SMARCA1: variants seen among roughly 807,000 people sequenced by gnomAD.
SMARCA1 encodes the protein SWI/SNF-related matrix-associated actin-dependent regulator of chromatin subfamily A member 1.
Under a neutral mutation model 93.6 loss-of-function variants are expected in SMARCA1, and 17 were observed. The observed-to-expected ratio is 0.18, with a 90% CI of 0.12 to 0.27. The LOEUF is 0.27. Among genes scored for constraint, SMARCA1 ranks in the 10% least tolerant of loss-of-function variants. SMARCA1 has a pLI of 1.00. For missense variants in SMARCA1, 630 were observed against 819.0 expected, an observed-to-expected ratio of 0.77 and a Z score of 2.82; for synonymous variants, 271 against 271.4, an observed-to-expected ratio of 1.00 and a Z score of 0.01.
Position 129,487,077 on chromosome X carries a change from T to C in SMARCA1, c.2158A>G (p.Met720Val). The C allele has an allele frequency of 8.6e-7, 1 of 1,158,062 alleles. No homozygotes were observed. The highest frequency in any genetic ancestry group is 1.2e-6 in the Non-Finnish European group (1 of 850,384). ...MGESSLRNFR[M>V]DIEQSLYKFE... Reference sequence around the variant, plus strand: ...TTGTATAAACTTTGTTCAATGTCCATTCTAAAATTTCTTAGAGAAGACTCT... The same window carrying C: ...TTGTATAAACTTTGTTCAATGTCCACTCTAAAATTTCTTAGAGAAGACTCT... Residue 720 changes from methionine (M) to valine (V), a missense_variant, in exon 17 of 25, where the codon ATG becomes GTG. Met to Val is a conservative substitution (Grantham distance 21). This residue lies in a region of SMARCA1 where 382 missense variants were observed against 537.9 expected (regional missense o/e 0.71). Transcript: ENST00000371121.
chrX:129,490,535 A>G (rs1023098416), intron 14 of SMARCA1, among the ~76,000 whole-genome samples: 1 of 112,194 alleles, frequency 8.9e-6, no homozygotes, highest in Non-Finnish European at 1.9e-5. Flanking sequence ...TTAAGTAGTT[A>G]GGGTTGCTAT....
chrX:129,520,569 G>C (rs958615193), intron 1 of SMARCA1, among the ~76,000 whole-genome samples: 2 of 109,676 alleles, frequency 1.8e-5, no homozygotes, highest in Non-Finnish European at 3.8e-5. Context: ...GAGAATACAA[G>C]CAACAGTAAA....
chrX:129,489,536 A>C (rs1418514475), intron 15 of SMARCA1, among the ~76,000 whole-genome samples: 3 of 112,446 alleles, frequency 2.7e-5, no homozygotes, highest in African/African-American at 9.7e-5. Flanking sequence ...GATTTCAATT[A>C]GCATTTTTTG....
At chrX:129,504,888 G>T in intron 8 of SMARCA1, 86 bp from the exon 9 acceptor site, 1 of 534,757 alleles carries the variant, frequency 1.9e-6, no homozygotes, top group Non-Finnish European at 3.1e-6. Flanking sequence ...AACCAATACG[G>T]AAATAATGCA....
In SMARCA1 at chrX:129,491,235, T is replaced by G. The variant is rs185409644; in HGVS notation, c.1815+706A>C. On this transcript the variant is annotated intron_variant, in intron 14 of 24. Coordinates refer to ENST00000371121, the MANE Select transcript of SMARCA1 (RefSeq NM_001282874.2). ...AAAAAGACACTTATCCATAGCTATA[T>G]ATTCAAAACCTAAGAAGTTATTTTG... is the stretch of plus-strand genomic sequence containing the variant. Among the ~76,000 whole-genome samples the G allele has an allele frequency of 1.1e-3, 128 of 111,834 alleles. 1 individual carries two copies. The highest frequency in any genetic ancestry group is 2.2e-3 in the South Asian group (6 of 2,688).
chrX:129,520,138 CGTGTGTGTGT>C (rs374631579), intron 1 of SMARCA1, among the ~76,000 whole-genome samples: 9 of 96,721 alleles, frequency 9.3e-5, no homozygotes, highest in African/African-American at 1.9e-4. Flanking sequence ...AACCTTCTCT[CGTGTGTGTGT>C]GTGTGTGTGT....
At chrX:129,449,409 G>A (rs1932170437) in intron 23 of SMARCA1, among the ~76,000 whole-genome samples, 1 of 111,569 alleles carries the variant, frequency 9.0e-6, no homozygotes, top group South Asian at 3.8e-4. Context: ...ACATCTTGTG[G>A]GATCAGAGTT....
chrX:129,514,085 T>A (rs983934155), intron 5 of SMARCA1, among the ~76,000 whole-genome samples: 1 of 112,915 alleles, frequency 8.9e-6, no homozygotes, highest in African/African-American at 3.2e-5. Context: ...CCCAGCACTT[T>A]GGGAGGCCAA....
chrX:129,470,390 C>T (rs937695376), intron 20 of SMARCA1, among the ~76,000 whole-genome samples: 1 of 108,677 alleles, frequency 9.2e-6, no homozygotes, highest in African/African-American at 3.4e-5. Context: ...CAATGATCAC[C>T]TTAAATAATA....
In SMARCA1 at chrX:129,489,022, T is replaced by G. The variant is rs1263199943; in HGVS notation, c.2012A>C (p.His671Pro). The change falls in exon 16 of 25, where the codon CAT (histidine) becomes CCT (proline). Residue 671 changes from histidine (H) to proline (P), a missense_variant. This residue lies in a region of SMARCA1 where 382 missense variants were observed against 537.9 expected (regional missense o/e 0.71). Coordinates refer to ENST00000371121, the MANE Select transcript of SMARCA1 (RefSeq NM_001282874.2). ...AKEEMLQMIRHGATHVFASKE... is the reference protein window; with the variant it reads ...AKEEMLQMIRPGATHVFASKE... ...AGAAGCAAAAACATGGGTGGCTCCA[T>G]GCCGTATCATTTGTAACATTTCCTC... is the stretch of plus-strand genomic sequence containing the variant. The G allele has an allele frequency of 8.5e-7, 1 of 1,171,962 alleles. No individual in the cohort carries two copies. Among genetic ancestry groups the G allele is most frequent in the Non-Finnish European group, 1.2e-6 (1 of 860,733 alleles).
At chrX:129,494,204 G>A (rs1356498030) in intron 12 of SMARCA1, among the ~76,000 whole-genome samples, 2 of 111,644 alleles carry the variant, frequency 1.8e-5, no homozygotes, top group African/African-American at 6.5e-5. Flanking sequence ...GCTATTTGAG[G>A]TCAGAAAGCA....
rs1203054584 is a variant in SMARCA1 at position 129,513,595 on chromosome X, A to G, written c.631-1612T>C. 3.8e-5 allele frequency among the ~76,000 whole-genome samples: 4 copies of G among 106,604 alleles called. No homozygotes were observed. In the East Asian group the frequency reaches 1.1e-3, roughly 30 times the overall value. The allele number at this position is 106,604 out of a possible 115,157, so 92.6% of individuals were successfully genotyped here. A position where few individuals can be genotyped will look rare whatever the true frequency, so the allele number is the denominator to read the frequency against. On this transcript the variant is annotated intron_variant, in intron 5 of 24. Coordinates refer to ENST00000371121, the MANE Select transcript of SMARCA1 (RefSeq NM_001282874.2). ...TATATATTTATATATTATATATTATATATATAATACATATATCTGATATCA... is the reference window on the plus strand; with the variant it reads ...TATATATTTATATATTATATATTATGTATATAATACATATATCTGATATCA...
At chrX:129,466,579 C>T (rs184551552) in intron 21 of SMARCA1, among the ~76,000 whole-genome samples, 2 of 110,825 alleles carry the variant, frequency 1.8e-5, no homozygotes, top group South Asian at 7.7e-4. Flanking sequence ...TGCTTGAACC[C>T]GGAAAGTGGA....
chrX:129,521,384 AT>A (rs1935389678), intron 1 of SMARCA1, among the ~76,000 whole-genome samples: 1 of 111,727 alleles, frequency 9.0e-6, no homozygotes, highest in Non-Finnish European at 1.9e-5. Flanking sequence ...AATGTATTTC[AT>A]TTTTTAAGGA....
At chrX:129,482,904 C>T (rs748852397) in intron 17 of SMARCA1, among the ~76,000 whole-genome samples, 1 of 111,637 alleles carries the variant, frequency 9.0e-6, no homozygotes, top group South Asian at 3.8e-4. Flanking sequence ...GGCTGAATTC[C>T]AACCTTGGCA....
chrX:129,516,258 G>A lies in SMARCA1; in HGVS notation c.428+73C>T, dbSNP rs144694339. On this transcript the variant is annotated intron_variant, in intron 3 of 24. Coordinates refer to ENST00000371121, the MANE Select transcript of SMARCA1 (RefSeq NM_001282874.2). ...AATGAAGAGCGAAGGGGTGCATGAA[G>A]GGATCAAGGGAGGACAGGAGGAAGA... 2,502 of 964,577 alleles carry A rather than the reference G, an allele frequency of 2.6e-3. 31 individuals are homozygous for A. In the African/African-American group the frequency reaches 0.044, roughly 17 times the overall value. 79.5% of individuals were successfully genotyped at this position (964,577 alleles called of 1,213,427 possible).
intron 17 of SMARCA1, among the ~76,000 whole-genome samples, chrX:129,486,810 T>TTGA (rs35899125): frequency 0.14 from 14,650 of 106,447 alleles, 1,727 homozygotes; most frequent in African/African-American, 0.38. Flanking sequence ...ACAGCAAAAA[T>TTGA]TGATGATGAT....
intron 19 of SMARCA1, among the ~76,000 whole-genome samples, chrX:129,474,934 T>G (rs1331908203): frequency 9.0e-6 from 1 of 110,758 alleles, no homozygotes; most frequent in East Asian, 2.9e-4. Flanking sequence ...GCACAAGTTC[T>G]CTCTTCCCTT....
At chrX:129,479,887 G>A (rs1403029155) in intron 19 of SMARCA1, among the ~76,000 whole-genome samples, 1 of 110,650 alleles carries the variant, frequency 9.0e-6, no homozygotes, top group African/African-American at 3.3e-5. Flanking sequence ...TAGTAGAGAC[G>A]GGGTTTTGCC....
Sources: gnomAD v4.1 joint callset for allele counts (sites outside exome capture counted in the v4.1 genomes callset) on GRCh38, gnomAD v4.1.1 for gene constraint, gnomAD v4.1.1 regional missense constraint, MANE v1.5 for transcripts, NCBI Gene and HGNC (gene_info 2026-07-23, HGNC 2026-07-21) for gene names.